Variants in FGF14 observed in about 807,000 individuals in gnomAD.
FGF14 encodes the protein fibroblast growth factor homologous factor 4.
A neutral mutation model predicts 25.5 loss-of-function variants in FGF14; 5 were observed. The observed-to-expected ratio is 0.20, with a 90% CI of 0.10 to 0.41. The LOEUF is 0.41. FGF14 is among the 10% of genes least tolerant of loss of function. The pLI is 1.00. For missense variants in FGF14, 222 were observed against 320.1 expected (o/e 0.69, Z 2.34); for synonymous variants, 138 against 118.3 (o/e 1.17, Z -1.08).
chr13:102,276,415 G>T, intron 1 of FGF14, among the ~76,000 whole-genome samples: 1 of 144,096 alleles, frequency 6.9e-6, no homozygotes, highest in African/African-American at 2.6e-5. Flanking sequence ...GAAATCAGAA[G>T]CACTTCAGCA....
intron 1 of FGF14, among the ~76,000 whole-genome samples, chr13:102,068,135 A>G (rs982763495): frequency 1.3e-5 from 2 of 152,270 alleles, no homozygotes; most frequent in African/African-American, 4.8e-5. Flanking sequence ...TCAATCTCAG[A>G]CCTGTCCTAT....
intron 3 of FGF14, among the ~76,000 whole-genome samples, chr13:101,843,718 C>T (rs940121818): frequency 3.3e-5 from 5 of 151,846 alleles, no homozygotes; most frequent in African/African-American, 9.7e-5. Context: ...GATCAGTGAA[C>T]GTGGACTTTC....
chr13:102,047,378 G>A (rs544480311), intron 1 of FGF14, among the ~76,000 whole-genome samples: 75 of 152,102 alleles, frequency 4.9e-4, no homozygotes, highest in African/African-American at 1.8e-3. Context: ...CTGCTCTTGA[G>A]GGAGATTTAG....
chr13:102,086,625 A>T (rs2043920800), intron 1 of FGF14, among the ~76,000 whole-genome samples: 1 of 152,210 alleles, frequency 6.6e-6, no homozygotes. Flanking sequence ...TTTATGAAAC[A>T]ACAAAAAACC....
intron 1 of FGF14, among the ~76,000 whole-genome samples, chr13:102,003,665 CTTTT>C (rs111575262): frequency 7.4e-6 from 1 of 134,744 alleles, no homozygotes; most frequent in East Asian, 2.1e-4. Flanking sequence ...AAGGGGTTAG[CTTTT>C]TTTTTTTTTT....
intron 1 of FGF14, among the ~76,000 whole-genome samples, chr13:102,124,767 T>A (rs2045882075): frequency 2.0e-5 from 3 of 152,278 alleles, no homozygotes; most frequent in East Asian, 1.9e-4. Flanking sequence ...TTCTTGAGCC[T>A]ATTTACTCTT....
intron 1 of FGF14, among the ~76,000 whole-genome samples, chr13:102,066,727 T>C (rs2765636): frequency 0.57 from 87,032 of 152,048 alleles, 27,652 homozygotes; most frequent in African/African-American, 0.85. Context: ...TCTAACTAAG[T>C]GATAATTATT....
In FGF14 at chr13:102,019,157, C is replaced by A. The variant is rs565804788; in HGVS notation, c.209-143861G>T. Among the ~76,000 whole-genome samples the A allele has an allele frequency of 1.6e-3, 246 of 152,212 alleles. 3 individuals carry two copies. Among genetic ancestry groups the A allele is most frequent in the African/African-American group, 5.5e-3 (229 of 41,530 alleles). ...TTGAGAATATAGTCAGTTGGTCAAA[C>A]CCTATCCTCACATCCTAACCATCCC... is the stretch of plus-strand genomic sequence containing the variant. On this transcript the variant is annotated intron_variant, in intron 1 of 4. Coordinates refer to the FGF14 transcript ENST00000376131.
At chr13:101,928,248 G>A (rs767414554) in intron 1 of FGF14, among the ~76,000 whole-genome samples, 4 of 152,106 alleles carry the variant, frequency 2.6e-5, no homozygotes, top group Non-Finnish European at 5.9e-5. Context: ...GCAGGCTTTC[G>A]GCTTCATTGA....
At chr13:102,021,196 C>A (rs550323380) in intron 1 of FGF14, among the ~76,000 whole-genome samples, 1 of 152,082 alleles carries the variant, frequency 6.6e-6, no homozygotes, top group East Asian at 1.9e-4. Context: ...AAGAAGACAG[C>A]AAGTCTGGTG....
chr13:102,364,486 C>T (rs763477125), intron 1 of FGF14, among the ~76,000 whole-genome samples: 21 of 152,210 alleles, frequency 1.4e-4, no homozygotes, highest in Non-Finnish European at 2.4e-4. Context: ...CCAGCCCTCC[C>T]ACTTTAGCTC....
At chr13:102,218,538 A>G (rs1330897985) in intron 1 of FGF14, among the ~76,000 whole-genome samples, 2 of 151,936 alleles carry the variant, frequency 1.3e-5, no homozygotes, top group African/African-American at 4.8e-5. Context: ...AATATCAAAT[A>G]TTAGAGGAAA....
In FGF14 at chr13:102,021,449, A is replaced by G. The variant is rs539833699; in HGVS notation, c.209-146153T>C. On this transcript the variant is annotated intron_variant, in intron 1 of 4. Transcript: ENST00000376131. ...ATAAGAGGAGAAAGAGCCCTTTGGG[A>G]GAACTGTAGAGGAACTCAGATTTCT... Among the ~76,000 whole-genome samples the G allele has an allele frequency of 2.9e-3, 439 of 151,858 alleles. 4 individuals are homozygous for G. The highest frequency in any genetic ancestry group is 9.9e-3 in the African/African-American group (410 of 41,428).
intron 1 of FGF14, among the ~76,000 whole-genome samples, chr13:101,884,912 G>C (rs2045916459): frequency 6.6e-6 from 1 of 151,508 alleles, no homozygotes; most frequent in East Asian, 1.9e-4. Flanking sequence ...TATGGCAAAC[G>C]CTGCCCCTTT....
At chr13:102,261,823 C>A (rs1594625958) in intron 1 of FGF14, among the ~76,000 whole-genome samples, 1 of 152,090 alleles carries the variant, frequency 6.6e-6, no homozygotes, top group Non-Finnish European at 1.5e-5. Context: ...ATAGGGGGTA[C>A]CCAGTAGGTT....
At chr13:101,724,788 T>C (rs2035289074) in intron 4 of FGF14, among the ~76,000 whole-genome samples, 1 of 151,398 alleles carries the variant, frequency 6.6e-6, no homozygotes, top group South Asian at 2.1e-4. Context: ...TCTGTCGTTA[T>C]AGTACCTACC....
chr13:101,851,506 C>T (rs574964229), intron 3 of FGF14, among the ~76,000 whole-genome samples: 167 of 152,020 alleles, frequency 1.1e-3, no homozygotes, highest in Non-Finnish European at 2.0e-3. Context: ...CAGTCACTTG[C>T]ATTTAAGCAA....
intron 1 of FGF14, among the ~76,000 whole-genome samples, chr13:101,983,870 C>A (rs1158355191): frequency 6.6e-6 from 1 of 152,162 alleles, no homozygotes; most frequent in African/African-American, 2.4e-5. Context: ...AACTGCCTTA[C>A]TAGCTGGGCT....
intron 1 of FGF14, among the ~76,000 whole-genome samples, chr13:102,217,219 C>T (rs138574589): frequency 6.6e-6 from 1 of 152,292 alleles, no homozygotes; most frequent in Non-Finnish European, 1.5e-5. Flanking sequence ...TATGAGCTAA[C>T]CACTAATTCC....
Sources: gnomAD v4.1 joint callset for allele counts (sites outside exome capture counted in the v4.1 genomes callset) on GRCh38, gnomAD v4.1.1 for gene constraint, MANE v1.5 for transcripts, NCBI Gene and HGNC (gene_info 2026-07-23, HGNC 2026-07-21) for gene names.